NAV2: variants seen among roughly 807,000 people sequenced by gnomAD.
NAV2 encodes helicase, APC down-regulated 1.
A neutral mutation model predicts 223.2 loss-of-function variants in NAV2; 54 were observed. The ratio of observed to expected loss-of-function variants is 0.24; its 90% CI spans 0.19 to 0.30. NAV2 has a LOEUF of 0.30. Ranked by LOEUF, NAV2 falls within the 10% of genes least tolerant of loss-of-function variation. NAV2 has a pLI of 1.00. For synonymous variants in NAV2, 1,279 were observed against 1,239.3 expected, an observed-to-expected ratio of 1.03 and a Z score of -0.67; for missense variants, 2,806 against 3,147.5, an observed-to-expected ratio of 0.89 and a Z score of 2.60.
At chr11:20,066,259 A>G (rs1223729629) in intron 20 of NAV2, among the ~76,000 whole-genome samples, 1 of 152,206 alleles carries the variant, frequency 6.6e-6, no homozygotes, top group African/African-American at 2.4e-5. Flanking sequence ...CCTGGCACAC[A>G]GTAGGAAATC....
chr11:19,817,318 C>T (rs2059141134), intron 1 of NAV2, among the ~76,000 whole-genome samples: 1 of 152,168 alleles, frequency 6.6e-6, no homozygotes, highest in African/African-American at 2.4e-5. Context: ...GGGGTTAAAG[C>T]ATTGAGGATC....
At chr11:19,940,206 A>C (rs923748491) in intron 8 of NAV2, among the ~76,000 whole-genome samples, 1 of 152,040 alleles carries the variant, frequency 6.6e-6, no homozygotes, top group Non-Finnish European at 1.5e-5. Flanking sequence ...TTAGAGTCCT[A>C]TGTGAATTGG....
At chr11:19,396,200 A>G (rs1849440738) in intron 1 of NAV2, among the ~76,000 whole-genome samples, 1 of 152,166 alleles carries the variant, frequency 6.6e-6, no homozygotes, top group Non-Finnish European at 1.5e-5. Flanking sequence ...AAATCAGCAG[A>G]ACAACTGGCA....
intron 1 of NAV2, among the ~76,000 whole-genome samples, chr11:19,663,229 C>T (rs1377243466): frequency 6.6e-6 from 1 of 152,188 alleles, no homozygotes; most frequent in African/African-American, 2.4e-5. Flanking sequence ...CATGTAATTT[C>T]ATATTGAATA....
In NAV2 at chr11:20,046,118, G is replaced by A. The variant is rs556832802; in HGVS notation, c.3902+448G>A. Among the ~76,000 whole-genome samples, 90 of 152,234 alleles carry A rather than the reference G, an allele frequency of 5.9e-4. 2 individuals are homozygous for A. In the South Asian group the frequency reaches 6.4e-3, roughly 11 times the overall value. On this transcript the variant is annotated intron_variant, in intron 14 of 37. Coordinates refer to ENST00000349880, the MANE Select transcript of NAV2 (RefSeq NM_145117.5). ...TGGGAGGCCAAGGCGGGCAGATCAC[G>A]AGGTCAGGAGTTCGAGACCAGCCTG... is the stretch of plus-strand genomic sequence containing the variant.
intron 1 of NAV2, among the ~76,000 whole-genome samples, chr11:19,359,464 C>T (rs1474856702): frequency 6.6e-6 from 1 of 152,118 alleles, no homozygotes; most frequent in Non-Finnish European, 1.5e-5. Flanking sequence ...AACTGTGGCT[C>T]AGATGTACCC....
intron 1 of NAV2, among the ~76,000 whole-genome samples, chr11:19,515,260 T>C (rs2043409659): frequency 6.6e-6 from 1 of 152,226 alleles, no homozygotes; most frequent in Non-Finnish European, 1.5e-5. Context: ...ATTATTTTTC[T>C]GGGCAACTCA....
At chr11:20,006,873 C>A (rs1431996386) in intron 11 of NAV2, among the ~76,000 whole-genome samples, 1 of 151,940 alleles carries the variant, frequency 6.6e-6, no homozygotes, top group African/African-American at 2.4e-5. Flanking sequence ...CAACAGAGGA[C>A]CAAGGTACAA....
chr11:19,893,844 C>T (rs2041719699), intron 6 of NAV2, among the ~76,000 whole-genome samples: 1 of 152,202 alleles, frequency 6.6e-6, no homozygotes. Flanking sequence ...TCTTCTCTCC[C>T]ACTTTCCTTT....
chr11:20,023,699 G>GGGGTGTGTGTGTGTGT (rs1554902313), intron 11 of NAV2, among the ~76,000 whole-genome samples: 3 of 144,680 alleles, frequency 2.1e-5, no homozygotes, highest in Admixed American at 6.9e-5. Context: ...CAAATTGCTG[G>GGGGTGTGTGTGTGTGT]GTGTGTGTGT....
intron 1 of NAV2, among the ~76,000 whole-genome samples, chr11:19,356,822 A>C (rs939152298): frequency 6.6e-6 from 1 of 152,134 alleles, no homozygotes; most frequent in Non-Finnish European, 1.5e-5. Context: ...GAATGCTGAT[A>C]TTTTTTATTT....
intron 10 of NAV2, among the ~76,000 whole-genome samples, chr11:19,949,284 G>C (rs1469988253): frequency 6.6e-6 from 1 of 152,228 alleles, no homozygotes; most frequent in Non-Finnish European, 1.5e-5. Flanking sequence ...GGCTTGGCCA[G>C]TAAATCACAA....
chr11:20,004,564 G>C (rs79690581), intron 11 of NAV2, among the ~76,000 whole-genome samples: 11,269 of 152,192 alleles, frequency 0.074, 459 homozygotes, highest in South Asian at 0.13. Flanking sequence ...TTGGTATTCT[G>C]ATCAGGTTAC....
At chr11:19,370,632 G>C (rs1371067213) in intron 1 of NAV2, among the ~76,000 whole-genome samples, 1 of 152,238 alleles carries the variant, frequency 6.6e-6, no homozygotes, top group Non-Finnish European at 1.5e-5. Context: ...CCTTTCCTGT[G>C]ATACTTTGTG....
intron 11 of NAV2, among the ~76,000 whole-genome samples, chr11:19,988,681 C>T (rs1282709339): frequency 2.0e-5 from 3 of 152,148 alleles, no homozygotes; most frequent in Admixed American, 6.5e-5. Flanking sequence ...CACTCAGAGG[C>T]GTCCCAGTTT....
At chr11:19,847,038 A>T (rs548311595) in intron 3 of NAV2, among the ~76,000 whole-genome samples, 1 of 152,296 alleles carries the variant, frequency 6.6e-6, no homozygotes, top group African/African-American at 2.4e-5. Flanking sequence ...GAGCTGGTTA[A>T]AATGTTTTGT....
At chr11:19,798,482 G>A (rs1316672112) in intron 1 of NAV2, among the ~76,000 whole-genome samples, 3 of 152,198 alleles carry the variant, frequency 2.0e-5, no homozygotes, top group East Asian at 3.9e-4. Flanking sequence ...TTAAAAAGAT[G>A]TGGGGAGGGG....
intron 4 of NAV2, among the ~76,000 whole-genome samples, chr11:19,869,417 G>A (rs1228891609): frequency 6.6e-6 from 1 of 152,180 alleles, no homozygotes; most frequent in Non-Finnish European, 1.5e-5. Flanking sequence ...ATTCGAGGAA[G>A]CAGCACTTTT....
intron 10 of NAV2, among the ~76,000 whole-genome samples, chr11:19,953,001 A>C (rs991473715): frequency 3.0e-4 from 45 of 152,226 alleles, no homozygotes; most frequent in African/African-American, 1.1e-3. Context: ...GGAAATTAAA[A>C]TAACAGATGA....
Sources: allele counts gnomAD v4.1 joint callset (sites outside exome capture counted in the v4.1 genomes callset), GRCh38; gene constraint gnomAD v4.1.1; transcripts MANE v1.5; gene names NCBI Gene and HGNC (gene_info 2026-07-23, HGNC 2026-07-21).